Variants in BRINP3 observed in about 807,000 individuals in gnomAD.
BRINP3 encodes BMP/retinoic acid-inducible neural-specific protein 3.
Under a neutral mutation model 71.0 loss-of-function variants are expected in BRINP3, and 19 were observed. That is an observed-to-expected ratio of 0.27 (90% CI 0.19 to 0.39). The LOEUF (loss-of-function observed/expected upper bound fraction) is 0.39, where lower values mean the gene tolerates loss of function less well. Ranked by LOEUF, BRINP3 falls within the 10% of genes least tolerant of loss-of-function variation. The pLI is 1.00. For missense variants in BRINP3, 959 were observed against 940.8 expected (o/e 1.02, Z -0.25); for synonymous variants, 380 against 337.7 (o/e 1.13, Z -1.37).
At chr1:190,379,336 C>G (rs1301321166) in intron 2 of BRINP3, among the ~76,000 whole-genome samples, 1 of 152,080 alleles carries the variant, frequency 6.6e-6, no homozygotes, top group South Asian at 2.1e-4. Context: ...ATTCCCCTGG[C>G]AGGATTTACA....
intron 2 of BRINP3, among the ~76,000 whole-genome samples, chr1:190,435,708 T>C (rs978751980): frequency 6.6e-6 from 1 of 152,004 alleles, no homozygotes; most frequent in East Asian, 1.9e-4. Flanking sequence ...AAGAAACTTA[T>C]TTGTATGGGT....
chr1:190,347,109 T>C (rs1009196545), intron 2 of BRINP3, among the ~76,000 whole-genome samples: 1 of 152,122 alleles, frequency 6.6e-6, no homozygotes, highest in African/African-American at 2.4e-5. Flanking sequence ...GAGTGCATGT[T>C]ATTTATCAAA....
chr1:190,281,299 G>A (rs945242929), intron 3 of BRINP3, among the ~76,000 whole-genome samples: 3 of 151,892 alleles, frequency 2.0e-5, no homozygotes, highest in Non-Finnish European at 4.4e-5. Context: ...ACCTTACAGA[G>A]TGCAACAATT....
At chr1:190,140,693 A>G (rs1460604425) in intron 7 of BRINP3, among the ~76,000 whole-genome samples, 1 of 152,234 alleles carries the variant, frequency 6.6e-6, no homozygotes, top group Non-Finnish European at 1.5e-5. Context: ...TAGTGAGATG[A>G]ACTGTATTTC....
rs1299599381 is a variant in BRINP3 at position 190,463,159 on chromosome 1, T to G, written c.-50-8219A>C. ...TAAGATTAATCCAGTAGGCTTTGAT[T>G]ATTCAATCTTATTATAAATTGCTTT... On this transcript the variant is annotated intron_variant, in intron 1 of 7. Transcript: ENST00000367462. Among the ~76,000 whole-genome samples, 10 of 151,974 alleles carry G rather than the reference T, an allele frequency of 6.6e-5. No homozygotes were observed. In the East Asian group the frequency reaches 1.9e-3, roughly 29 times the overall value.
intron 2 of BRINP3, among the ~76,000 whole-genome samples, chr1:190,346,226 C>T (rs1668013412): frequency 6.6e-6 from 1 of 151,772 alleles, no homozygotes; most frequent in Non-Finnish European, 1.5e-5. Context: ...AGCCTTATTA[C>T]CTAAGAGGTA....
chr1:190,171,281 A>G (rs1253602027), intron 6 of BRINP3, among the ~76,000 whole-genome samples: 1 of 152,152 alleles, frequency 6.6e-6, no homozygotes, highest in Non-Finnish European at 1.5e-5. Flanking sequence ...TACTTGTACT[A>G]ACTAGCCAAC....
At chr1:190,379,426 C>T (rs1670378478) in intron 2 of BRINP3, among the ~76,000 whole-genome samples, 2 of 151,742 alleles carry the variant, frequency 1.3e-5, no homozygotes, top group South Asian at 4.2e-4. Flanking sequence ...GAGATTATTG[C>T]TATGGAGGAA....
chr1:190,349,344 A>T (rs1163783036), intron 2 of BRINP3, among the ~76,000 whole-genome samples: 1 of 152,112 alleles, frequency 6.6e-6, no homozygotes, highest in Non-Finnish European at 1.5e-5. Context: ...TTAAGAGTGG[A>T]GAGTGAGTCA....
chr1:190,249,404 T>C (rs1659913001), intron 4 of BRINP3, among the ~76,000 whole-genome samples: 1 of 151,852 alleles, frequency 6.6e-6, no homozygotes, highest in Admixed American at 6.6e-5. Context: ...TATGTATACA[T>C]TTTGCTTTAA....
rs151111362 is a variant in BRINP3, at chr1:190,368,310, C to T, written c.236+86345G>A. Among the ~76,000 whole-genome samples, 1,308 of 152,048 alleles carry T rather than the reference C, an allele frequency of 8.6e-3. 21 individuals carry two copies. The highest frequency in any genetic ancestry group is 0.03 in the African/African-American group (1,241 of 41,466). ...TAAAATCATCAAATCTCATGAGAAACGACTCACTATCACAGGAATATCATG... is the reference window on the plus strand; with the variant it reads ...TAAAATCATCAAATCTCATGAGAAATGACTCACTATCACAGGAATATCATG... On this transcript the variant is annotated intron_variant, in intron 2 of 7. Transcript: ENST00000367462.
At chr1:190,326,218 C>T (rs1179838231) in intron 2 of BRINP3, among the ~76,000 whole-genome samples, 1 of 151,908 alleles carries the variant, frequency 6.6e-6, no homozygotes, top group East Asian at 1.9e-4. Flanking sequence ...TGAAATAATC[C>T]AGTCAGACAA....
chr1:190,345,609 A>G (rs1382742640), intron 2 of BRINP3, among the ~76,000 whole-genome samples: 1 of 151,362 alleles, frequency 6.6e-6, no homozygotes, highest in Non-Finnish European at 1.5e-5. Flanking sequence ...GTGCATGTCA[A>G]ATTATTTAGA....
intron 4 of BRINP3, among the ~76,000 whole-genome samples, chr1:190,246,636 A>G (rs1659639679): frequency 6.6e-6 from 1 of 152,102 alleles, no homozygotes; most frequent in Non-Finnish European, 1.5e-5. Context: ...AATTTACTTA[A>G]TATTATTGAG....
At chr1:190,298,944 T>G (rs1245490670) in intron 2 of BRINP3, among the ~76,000 whole-genome samples, 1 of 152,138 alleles carries the variant, frequency 6.6e-6, no homozygotes, top group Non-Finnish European at 1.5e-5. Context: ...AGTTCTTCCT[T>G]CAATTCTATT....
At chr1:190,340,359 T>C (rs1473044353) in intron 2 of BRINP3, among the ~76,000 whole-genome samples, 1 of 151,874 alleles carries the variant, frequency 6.6e-6, no homozygotes. Flanking sequence ...ATATTTTCCA[T>C]CTCATAATCA....
intron 1 of BRINP3, among the ~76,000 whole-genome samples, chr1:190,458,094 C>T (rs918445357): frequency 3.4e-4 from 51 of 151,784 alleles, no homozygotes; most frequent in African/African-American, 1.2e-3. Context: ...ACAATATTAC[C>T]AGGTAATTAT....
intron 7 of BRINP3, among the ~76,000 whole-genome samples, chr1:190,137,062 T>A (rs1289142424): frequency 6.6e-6 from 1 of 152,164 alleles, no homozygotes; most frequent in East Asian, 1.9e-4. Context: ...TAAGGTATAG[T>A]GTAGCTATGT....
At chr1:190,299,684 G>A (rs1571676243) in intron 2 of BRINP3, among the ~76,000 whole-genome samples, 2 of 148,196 alleles carry the variant, frequency 1.3e-5, no homozygotes, top group African/African-American at 5.0e-5. Flanking sequence ...ATATGCCACC[G>A]CATATTGTTG....
Sources: allele counts gnomAD v4.1 joint callset (sites outside exome capture counted in the v4.1 genomes callset), GRCh38; gene constraint gnomAD v4.1.1; transcripts MANE v1.5; gene names NCBI Gene and HGNC (gene_info 2026-07-23, HGNC 2026-07-21).